The following SLC44A3 variants were observed in gnomAD, a reference collection of about 807,000 sequenced individuals.
The protein encoded by SLC44A3 is solute carrier family 44 member 3, also known as choline transporter-like protein 3.
A neutral mutation model predicts 75.4 loss-of-function variants in SLC44A3; 74 were observed. The ratio of observed to expected loss-of-function variants is 0.98; its 90% CI spans 0.81 to 1.19. The LOEUF (loss-of-function observed/expected upper bound fraction) is 1.19. SLC44A3 is among the 50% of genes most tolerant of loss of function. SLC44A3 has a pLI of 0.00. For synonymous variants in SLC44A3, 310 were observed against 296.9 expected, an observed-to-expected ratio of 1.04 and a Z score of -0.45; for missense variants, 700 against 778.6, an observed-to-expected ratio of 0.90 and a Z score of 1.20.
At chr1:94,853,719 G>A (rs1427923949) in intron 9 of SLC44A3, among the ~76,000 whole-genome samples, 2 of 152,172 alleles carry the variant, frequency 1.3e-5, no homozygotes, top group Admixed American at 1.3e-4. Context: ...TAAGATCATG[G>A]GCTGAGAGTG....
rs997778490 is a variant in SLC44A3, at chr1:94,820,368, C to T, written c.-84C>T. ...CCAGCCCCAGCCCCAGCCCCGGCCC[C>T]GGCCCCGGCTCGCGGGCGCTGCGTC... On this transcript the variant is annotated 5_prime_UTR_variant, in exon 1 of 15. Transcript: ENST00000271227. 21 of 1,350,432 alleles carry T rather than the reference C, an allele frequency of 1.6e-5. No individual in the cohort carries two copies. Among genetic ancestry groups the T allele is most frequent in the Non-Finnish European group, 1.7e-5 (18 of 1,054,508 alleles). 83.7% of individuals were successfully genotyped at this position (1,350,432 alleles called of 1,614,324 possible). A position where few individuals can be genotyped will look rare whatever the true frequency, so the allele number is the denominator to read the frequency against.
intron 11 of SLC44A3, among the ~76,000 whole-genome samples, chr1:94,866,341 A>G (rs1464326638): frequency 6.6e-6 from 1 of 152,200 alleles, no homozygotes; most frequent in Non-Finnish European, 1.5e-5. Context: ...GGAAGGCCCA[A>G]GGTCTCTCTG....
rs766003021 is a variant in SLC44A3, at chr1:94,894,981, T to C, written c.*59T>C. On this transcript the variant is annotated 3_prime_UTR_variant, in exon 15 of 15. Transcript: ENST00000271227. The stretch of plus-strand genomic sequence containing the variant: ...TTCCTTCTAAGAGCCATTTACAGAA[T>C]AGAAGATGAGACCACTAGAGAAAAG... The C allele has an allele frequency of 2.3e-4, 312 of 1,358,314 alleles. 1 individual carries two copies. The highest frequency in any genetic ancestry group is 2.8e-4 in the Non-Finnish European group (270 of 980,054). 84.1% of individuals were successfully genotyped at this position (1,358,314 alleles called of 1,614,324 possible). A position where few individuals can be genotyped will look rare whatever the true frequency, so the allele number is the denominator to read the frequency against.
chr1:94,843,297 C>A (rs1663910985), intron 8 of SLC44A3: 1 of 152,178 alleles, frequency 6.6e-6, no homozygotes, highest in East Asian at 1.9e-4. Context: ...ACAGGGGCTA[C>A]TCTATAAGGC....
chr1:94,860,858 A>C (rs1256316698), intron 10 of SLC44A3, among the ~76,000 whole-genome samples: 2 of 152,236 alleles, frequency 1.3e-5, no homozygotes, highest in Non-Finnish European at 2.9e-5. Flanking sequence ...GCTTGAGCAG[A>C]GCAGAGCAAG....
chr1:94,833,272 G>A (rs17112455), intron 5 of SLC44A3, among the ~76,000 whole-genome samples: 4,571 of 152,202 alleles, frequency 0.03, 262 homozygotes, highest in African/African-American at 0.11. Context: ...GAGATGTCCC[G>A]GCCAGCTCTT....
chr1:94,826,880 T>C (rs1661424249), intron 3 of SLC44A3, among the ~76,000 whole-genome samples: 1 of 152,146 alleles, frequency 6.6e-6, no homozygotes, highest in African/African-American at 2.4e-5. Flanking sequence ...TCTTGGAGCC[T>C]GGATAAGTGG....
At chr1:94,857,586 T>C in intron 10 of SLC44A3, 86 bp downstream of exon 10, 2 of 1,353,178 alleles carry the variant, frequency 1.5e-6, no homozygotes, top group Non-Finnish European at 2.0e-6. Context: ...TATTTGGGAA[T>C]GTTGACCTAG....
chr1:94,881,610 A>G (rs1385254073), intron 12 of SLC44A3, among the ~76,000 whole-genome samples: 1 of 151,446 alleles, frequency 6.6e-6, no homozygotes, highest in Non-Finnish European at 1.5e-5. Flanking sequence ...AGGCTGAGGC[A>G]GGAGAATGGC....
Position 94,835,703 on chromosome 1 carries a change from G to A in SLC44A3, c.510-2008G>A, listed in dbSNP as rs78082275. 0.012 allele frequency among the ~76,000 whole-genome samples: 1,786 copies of A among 152,186 alleles called. 79 individuals are homozygous for A. In the East Asian group the frequency reaches 0.15, roughly 13 times the overall value. Reference sequence around the variant, plus strand: ...CATGCCCTGAATGGTGGAGTCTGGCGTCTCATTTTGGAGTAGAATTTTTAT... The same window carrying A: ...CATGCCCTGAATGGTGGAGTCTGGCATCTCATTTTGGAGTAGAATTTTTAT... On this transcript the variant is annotated intron_variant, in intron 5 of 14. Transcript: ENST00000271227.
chr1:94,876,706 C>T (rs1668329870), intron 12 of SLC44A3, among the ~76,000 whole-genome samples: 1 of 152,206 alleles, frequency 6.6e-6, no homozygotes, highest in Admixed American at 6.5e-5. Context: ...TGAATGACTT[C>T]TACATGCTAT....
At chr1:94,886,712 C>T (rs951046212) in intron 12 of SLC44A3, among the ~76,000 whole-genome samples, 6 of 152,122 alleles carry the variant, frequency 3.9e-5, no homozygotes, top group Non-Finnish European at 8.8e-5. Context: ...AGGGCGTCCT[C>T]ATTGTGTTCT....
intron 6 of SLC44A3, chr1:94,839,014 G>C (rs1410865008): frequency 6.6e-6 from 1 of 152,224 alleles, no homozygotes; most frequent in Non-Finnish European, 1.5e-5. Flanking sequence ...GGCTTAGAGA[G>C]GTTTAGGACT....
chr1:94,872,407 C>T (rs1303133877), intron 12 of SLC44A3, among the ~76,000 whole-genome samples: 4 of 150,978 alleles, frequency 2.6e-5, no homozygotes, highest in Non-Finnish European at 5.9e-5. Context: ...TTTGTTTATT[C>T]ATTCTTTTTT....
intron 3 of SLC44A3, among the ~76,000 whole-genome samples, chr1:94,825,633 C>T (rs111636089): frequency 1.1e-3 from 170 of 152,144 alleles, no homozygotes; most frequent in African/African-American, 3.2e-3. Flanking sequence ...CAGCCAAAAA[C>T]GGATTTTTAG....
intron 11 of SLC44A3, 134 bp downstream of exon 11, chr1:94,865,033 C>G: frequency 2.6e-6 from 2 of 766,760 alleles, no homozygotes; most frequent in South Asian, 4.6e-5. Flanking sequence ...TCCTGCACTC[C>G]TCAGCTCCCA....
chr1:94,833,234 T>C (rs1662360095), intron 5 of SLC44A3, among the ~76,000 whole-genome samples: 1 of 152,190 alleles, frequency 6.6e-6, no homozygotes, highest in South Asian at 2.1e-4. Context: ...ACTTGTCTGA[T>C]ACTAGCACCA....
chr1:94,837,770 T>C lies in SLC44A3; in HGVS notation c.569T>C (p.Phe190Ser). ...VPQTPECYSL[F>S]ASVLINDVDT... ...CAAACACCTGAGTGCTACTCCCTAT[T>C]TGCATCTGTTTTGATAAATGATGTT... is the stretch of plus-strand genomic sequence containing the variant. The change falls in exon 6 of 15, where the codon TTT becomes TCT. Residue 190 changes from phenylalanine (F) to serine (S), a missense_variant. By Grantham distance (155) the Phe-to-Ser change is radical. Coordinates refer to ENST00000271227, the MANE Select transcript of SLC44A3 (RefSeq NM_001114106.3). 6.2e-7 allele frequency: 1 copy of C among 1,612,006 alleles called. No individual in the cohort carries two copies. The highest frequency in any genetic ancestry group is 8.5e-7 in the Non-Finnish European group (1 of 1,179,324).
chr1:94,870,697 T>C (rs1366700063), intron 12 of SLC44A3, among the ~76,000 whole-genome samples: 1 of 152,234 alleles, frequency 6.6e-6, no homozygotes, highest in Non-Finnish European at 1.5e-5. Context: ...TTTTCTTTTG[T>C]TTGAGACGGA....
Sources: gnomAD v4.1 joint callset for allele counts (sites outside exome capture counted in the v4.1 genomes callset) on GRCh38, gnomAD v4.1.1 for gene constraint, MANE v1.5 for transcripts, NCBI Gene and HGNC (gene_info 2026-07-23, HGNC 2026-07-21) for gene names.